The following HHAT variants were observed in gnomAD, a reference collection of about 807,000 sequenced individuals.
The protein encoded by HHAT is protein-cysteine N-palmitoyltransferase HHAT.
Under a neutral mutation model 70.8 loss-of-function variants are expected in HHAT, and 47 were observed. That is an observed-to-expected ratio of 0.66 (90% confidence interval 0.53 to 0.85). The LOEUF is 0.85. Ranked by LOEUF, HHAT falls within the 40% of genes least tolerant of loss-of-function variation. The probability of loss-of-function intolerance (pLI) is 0.00; values close to 1 mark genes in which losing one functional copy is unlikely to be tolerated. For synonymous variants in HHAT, 228 were observed against 247.6 expected, an observed-to-expected ratio of 0.92 and a Z score of 0.74; for missense variants, 609 against 604.8, an observed-to-expected ratio of 1.01 and a Z score of -0.07.
chr1:210,673,280 A>G (rs548977773), intron 11 of HHAT, among the ~76,000 whole-genome samples: 182 of 151,964 alleles, frequency 1.2e-3, no homozygotes, highest in African/African-American at 4.2e-3. Context: ...AGGACCCTAT[A>G]TTTGGGCTTC....
chr1:210,427,589 C>A (rs2093103460), intron 7 of HHAT, among the ~76,000 whole-genome samples: 1 of 152,118 alleles, frequency 6.6e-6, no homozygotes, highest in South Asian at 2.1e-4. Context: ...GCAGGTCATT[C>A]AATTTCCATG....
intron 11 of HHAT, among the ~76,000 whole-genome samples, chr1:210,635,761 C>A (rs1573905291): frequency 6.6e-6 from 1 of 152,178 alleles, no homozygotes; most frequent in East Asian, 1.9e-4. Flanking sequence ...AATGGTCACT[C>A]CAGATTTCCC....
At chr1:210,607,219 G>T (rs1011510747) in intron 10 of HHAT, among the ~76,000 whole-genome samples, 2 of 151,534 alleles carry the variant, frequency 1.3e-5, no homozygotes, top group Non-Finnish European at 2.9e-5. Flanking sequence ...CTAGTATTTG[G>T]GTATCTCAAA....
At chr1:210,615,208 C>T (rs1488585147) in intron 10 of HHAT, among the ~76,000 whole-genome samples, 1 of 152,154 alleles carries the variant, frequency 6.6e-6, no homozygotes, top group Admixed American at 6.5e-5. Context: ...CATTAAATGT[C>T]TCCTTTTGAG....
At chr1:210,438,810 C>G (rs1343823447) in intron 7 of HHAT, among the ~76,000 whole-genome samples, 1 of 151,932 alleles carries the variant, frequency 6.6e-6, no homozygotes, top group African/African-American at 2.4e-5. Context: ...CTGTGCCAAA[C>G]ACTGCTTTAA....
intron 1 of HHAT, among the ~76,000 whole-genome samples, chr1:210,343,362 T>C (rs1440137344): frequency 2.0e-5 from 3 of 152,238 alleles, no homozygotes; most frequent in African/African-American, 7.2e-5. Flanking sequence ...TTTTAAGTTT[T>C]CATTTCTGCC....
intron 9 of HHAT, among the ~76,000 whole-genome samples, chr1:210,559,731 C>T (rs565621375): frequency 4.6e-5 from 7 of 152,092 alleles, no homozygotes; most frequent in South Asian, 4.2e-4. Context: ...AATATGCTGG[C>T]TGCTCTATGG....
chr1:210,636,290 G>A (rs190886434), intron 11 of HHAT, among the ~76,000 whole-genome samples: 10 of 152,184 alleles, frequency 6.6e-5, no homozygotes, highest in Admixed American at 6.5e-4. Context: ...CTTAGGGAGG[G>A]ATTCACTTCC....
chr1:210,655,195 G>T (rs1676121666), intron 11 of HHAT, among the ~76,000 whole-genome samples: 1 of 152,130 alleles, frequency 6.6e-6, no homozygotes, highest in African/African-American at 2.4e-5. Context: ...ATAAATAGCT[G>T]GGAAAAGTTT....
At chr1:210,483,782 A>T (rs561045216) in intron 8 of HHAT, among the ~76,000 whole-genome samples, 1 of 152,132 alleles carries the variant, frequency 6.6e-6, no homozygotes, top group African/African-American at 2.4e-5. Context: ...TACATTTTTG[A>T]AAGTTCAGTT....
At chr1:210,349,724 C>G (rs1165094039) in intron 2 of HHAT, among the ~76,000 whole-genome samples, 1 of 150,672 alleles carries the variant, frequency 6.6e-6, no homozygotes, top group Admixed American at 6.7e-5. Flanking sequence ...CATCTCGGCT[C>G]ACTGCAACCT....
rs78010106 is a variant in HHAT, at chr1:210,354,873, A to C, written c.91+5807A>C. Among the ~76,000 whole-genome samples, 839 of 152,304 alleles carry C rather than the reference A, an allele frequency of 5.5e-3. 6 individuals are homozygous for C. The highest frequency in any genetic ancestry group is 0.019 in the African/African-American group (807 of 41,574). On this transcript the variant is annotated intron_variant, in intron 2 of 11. Transcript: ENST00000261458. ...ATTTGAAATTGGCTACTTTCAAAAA[A>C]TCATTAGGGTTTTAATTAGAATTGT...
chr1:210,603,878 T>C (rs1330129254), intron 10 of HHAT, among the ~76,000 whole-genome samples: 1 of 152,194 alleles, frequency 6.6e-6, no homozygotes, highest in Non-Finnish European at 1.5e-5. Context: ...ATACTTGTGA[T>C]TACTGACATG....
intron 7 of HHAT, among the ~76,000 whole-genome samples, chr1:210,429,247 A>G (rs1378978296): frequency 6.6e-6 from 1 of 151,838 alleles, no homozygotes; most frequent in Non-Finnish European, 1.5e-5. Context: ...ACAATTACAT[A>G]TCACACTTGA....
chr1:210,391,694 A>G (rs2091470084), intron 4 of HHAT, among the ~76,000 whole-genome samples: 1 of 152,268 alleles, frequency 6.6e-6, no homozygotes, highest in Non-Finnish European at 1.5e-5. Context: ...ACAATAAGAT[A>G]ACATTCTATG....
intron 7 of HHAT, among the ~76,000 whole-genome samples, chr1:210,433,323 C>G (rs2093298069): frequency 6.6e-6 from 1 of 151,782 alleles, no homozygotes; most frequent in East Asian, 1.9e-4. Flanking sequence ...CAGTTGACAT[C>G]AGATTGGTGT....
Position 210,394,229 on chromosome 1 carries a change from CTTTTTTTTTTTTTTTTTTTT to C in HHAT, c.274-6223_274-6204del, listed in dbSNP as rs59554789. Among the ~76,000 whole-genome samples, 422 of 116,308 alleles carry C rather than the reference CTTTTTTTTTTTTTTTTTTTT, an allele frequency of 3.6e-3. 2 individuals carry two copies. The highest frequency in any genetic ancestry group is 9.3e-3 in the African/African-American group (311 of 33,574). The allele number at this position is 116,308 out of a possible 152,430, so 76.3% of individuals were successfully genotyped here. On this transcript the variant is annotated intron_variant, in intron 4 of 11. Coordinates refer to ENST00000261458, the MANE Select transcript of HHAT (RefSeq NM_018194.6). ...TTTTATTTTCAAAAGCATGATCTAT[CTTTTTTTTTTTTTTTTTTTT>C]TTTTTTTTTTTTTTTGCCATGGTAA...
chr1:210,452,111 T>C lies in HHAT; in HGVS notation c.857-12394T>C, dbSNP rs530384096. On this transcript the variant is annotated intron_variant, in intron 7 of 11. Transcript: ENST00000261458. ...TGGGGCATCTTGTTATAGAAAGATATTCTTCTTCATAGACTGCCAATTCCC... is the reference window on the plus strand; with the variant it reads ...TGGGGCATCTTGTTATAGAAAGATACTCTTCTTCATAGACTGCCAATTCCC... Among the ~76,000 whole-genome samples, 12 of 152,328 alleles carry C rather than the reference T, an allele frequency of 7.9e-5. No homozygotes were observed. The South Asian group carries it at 2.5e-3, about 32-fold the overall frequency.
In HHAT at chr1:210,418,340, C is replaced by A; in HGVS notation, c.856+15C>A. On this transcript the variant is annotated intron_variant, in intron 7 of 11. Coordinates refer to ENST00000261458, the MANE Select transcript of HHAT (RefSeq NM_018194.6). ...TTGGACCTTAGGTAATTGTGGGAAT[C>A]ACCAACAGTGGGATGAGCCCCAATA... 1 of 1,564,660 alleles carries A rather than the reference C, an allele frequency of 6.4e-7. No individual in the cohort carries two copies. Among genetic ancestry groups the A allele is most frequent in the South Asian group, 1.2e-5 (1 of 81,812 alleles).
Sources: gnomAD v4.1 joint callset for allele counts (sites outside exome capture counted in the v4.1 genomes callset) on GRCh38, gnomAD v4.1.1 for gene constraint, MANE v1.5 for transcripts, NCBI Gene and HGNC (gene_info 2026-07-23, HGNC 2026-07-21) for gene names.